ACTN1: variants seen among roughly 807,000 people sequenced by gnomAD.
ACTN1 encodes the protein actinin alpha 1.
A neutral mutation model predicts 119.6 loss-of-function variants in ACTN1; 30 were observed. That is an observed-to-expected ratio of 0.25 (90% CI 0.19 to 0.34). The LOEUF (loss-of-function observed/expected upper bound fraction) is 0.34. Ranked by LOEUF, ACTN1 falls within the 10% of genes least tolerant of loss-of-function variation. ACTN1 has a pLI of 1.00. For synonymous variants in ACTN1, 429 were observed against 472.6 expected, an observed-to-expected ratio of 0.91 and a Z score of 1.20; for missense variants, 764 against 1,223.4, an observed-to-expected ratio of 0.62 and a Z score of 5.60.
chr14:68,971,039 C>T (rs2036868266), intron 1 of ACTN1, among the ~76,000 whole-genome samples: 1 of 152,250 alleles, frequency 6.6e-6, no homozygotes, highest in African/African-American at 2.4e-5. Context: ...GAGTTGTTCT[C>T]TTATTTCAAT....
chr14:68,890,353 T>C lies in ACTN1; in HGVS notation c.1087-67A>G, dbSNP rs2032383188. ...CTAGGCTTCAGGTCCCCTAGCCCCC[T>C]AGACCCCTGAAGGTGCCCCATGCCT... On this transcript the variant is annotated intron_variant, in intron 10 of 21. Transcript: ENST00000394419. 5.7e-6 allele frequency: 9 copies of C among 1,575,842 alleles called. No homozygotes were observed. In the Admixed American group the frequency reaches 7.2e-5, roughly 13 times the overall value.
At chr14:68,913,153 C>T (rs2034101191) in intron 3 of ACTN1, among the ~76,000 whole-genome samples, 1 of 152,200 alleles carries the variant, frequency 6.6e-6, no homozygotes, top group Non-Finnish European at 1.5e-5. Flanking sequence ...GTTTTAGAAT[C>T]TACAAGTTCT....
At chr14:68,916,339 G>A (rs772449228) in intron 3 of ACTN1, among the ~76,000 whole-genome samples, 8 of 152,282 alleles carry the variant, frequency 5.3e-5, no homozygotes, top group African/African-American at 1.2e-4. Context: ...GAGTCCTCCC[G>A]GAGGGACTGG....
At chr14:68,916,864 C>T (rs1458556599) in intron 3 of ACTN1, among the ~76,000 whole-genome samples, 3 of 152,148 alleles carry the variant, frequency 2.0e-5, no homozygotes, top group Admixed American at 6.5e-5. Context: ...CCAGGGACAC[C>T]GTCATCTGTT....
At chr14:68,942,927 T>C (rs547719996) in intron 1 of ACTN1, among the ~76,000 whole-genome samples, 1 of 152,240 alleles carries the variant, frequency 6.6e-6, no homozygotes, top group African/African-American at 2.4e-5. Context: ...AGGCCTTGCA[T>C]GGCCCCGAGA....
chr14:68,878,527 T>C lies in ACTN1; in HGVS notation c.2362-4A>G, dbSNP rs1488141097. The C allele has an allele frequency of 1.9e-6, 3 of 1,607,900 alleles. No individual in the cohort carries two copies. Among genetic ancestry groups the C allele is most frequent in the East Asian group, 2.2e-5 (1 of 44,774 alleles). ...TGTCCATCATGCCTGTCTTCTTCTGTGGGGGGCAGTGGTACCAAGACACAA... is the reference window on the plus strand; with the variant it reads ...TGTCCATCATGCCTGTCTTCTTCTGCGGGGGGCAGTGGTACCAAGACACAA... On this transcript the variant is annotated splice_polypyrimidine_tract_variant and splice_region_variant and intron_variant, in intron 19 of 21. Coordinates refer to ENST00000394419, the MANE Select transcript of ACTN1 (RefSeq NM_001130004.2). This position sits in a 1 kb window ranked among gnomAD's most constrained non-coding sequence, Gnocchi z 4.4.
At chr14:68,891,943 G>T in intron 10 of ACTN1, 110 bp downstream of exon 10, 1 of 1,345,406 alleles carries the variant, frequency 7.4e-7, no homozygotes, top group Non-Finnish European at 1.0e-6. Context: ...GTAGGTAGAA[G>T]CAAACACGCC....
In ACTN1 at chr14:68,935,388, T is replaced by A. The variant is rs970400328; in HGVS notation, c.106-9716A>T. ...CTCCTGTCAGAGAGCTCTCTGTTCATTTTTTTTTTTTTTTTTTTTTTTTTT... is the reference window on the plus strand; with the variant it reads ...CTCCTGTCAGAGAGCTCTCTGTTCAATTTTTTTTTTTTTTTTTTTTTTTTT... On this transcript the variant is annotated intron_variant, in intron 1 of 21. Coordinates refer to ENST00000394419, the MANE Select transcript of ACTN1 (RefSeq NM_001130004.2). 1.9e-3 allele frequency among the ~76,000 whole-genome samples: 33 copies of A among 17,506 alleles called. No homozygotes were observed. In the African/African-American group the frequency reaches 0.024, roughly 13 times the overall value. 11.5% of individuals were successfully genotyped at this position (17,506 alleles called of 152,430 possible). A position where few individuals can be genotyped will look rare whatever the true frequency, so the allele number is the denominator to read the frequency against.
chr14:68,883,937 T>C (rs969763324), intron 14 of ACTN1, among the ~76,000 whole-genome samples: 1 of 152,206 alleles, frequency 6.6e-6, no homozygotes. Context: ...AACTAGGGGC[T>C]GGAGGATAAG....
At chr14:68,904,241 G>T (rs1306183926) in intron 7 of ACTN1, among the ~76,000 whole-genome samples, 1 of 152,128 alleles carries the variant, frequency 6.6e-6, no homozygotes, top group Non-Finnish European at 1.5e-5. Flanking sequence ...GGGCATAGAG[G>T]AGATGCTAAG....
chr14:68,890,791 G>A (rs770202929), intron 10 of ACTN1, among the ~76,000 whole-genome samples: 37 of 152,184 alleles, frequency 2.4e-4, no homozygotes, highest in Admixed American at 4.6e-4. Flanking sequence ...CGGCCTGGGT[G>A]AGCCGGCCAG....
At chr14:68,952,239 G>T (rs1351421908) in intron 1 of ACTN1, among the ~76,000 whole-genome samples, 1 of 152,240 alleles carries the variant, frequency 6.6e-6, no homozygotes, top group Non-Finnish European at 1.5e-5. Context: ...GGGATCGCCA[G>T]AGGGAGGCCT....
chr14:68,921,791 T>A (rs78736789), intron 2 of ACTN1, among the ~76,000 whole-genome samples: 3,217 of 152,220 alleles, frequency 0.021, 121 homozygotes, highest in African/African-American at 0.072. Context: ...CCCATCCCCA[T>A]CTGAGAACCA....
At chr14:68,926,822 A>T (rs2034949642) in intron 1 of ACTN1, among the ~76,000 whole-genome samples, 1 of 152,106 alleles carries the variant, frequency 6.6e-6, no homozygotes, top group South Asian at 2.1e-4. Flanking sequence ...GGGTAGGAAG[A>T]GGGAAGAACA....
At chr14:68,921,303 A>G in intron 2 of ACTN1, 178 bp from the exon 3 acceptor site, 1 of 674,356 alleles carries the variant, frequency 1.5e-6, no homozygotes, top group South Asian at 2.6e-5. Flanking sequence ...CCTGGCAGGG[A>G]ATGAGAGGGA....
At chr14:68,969,562 C>A (rs2036813502) in intron 1 of ACTN1, among the ~76,000 whole-genome samples, 1 of 152,150 alleles carries the variant, frequency 6.6e-6, no homozygotes. Flanking sequence ...AGGAGGTGGC[C>A]AAAAACAACA....
chr14:68,897,467 C>G (rs1390720397), intron 8 of ACTN1, among the ~76,000 whole-genome samples: 1 of 151,686 alleles, frequency 6.6e-6, no homozygotes, highest in East Asian at 1.9e-4. Context: ...CCAAGCCAAA[C>G]TGCTACCCTA....
chr14:68,953,661 G>A (rs2036245242), intron 1 of ACTN1, among the ~76,000 whole-genome samples: 1 of 151,636 alleles, frequency 6.6e-6, no homozygotes, highest in Non-Finnish European at 1.5e-5. Flanking sequence ...GGCAGATCAT[G>A]AGGTCAGGAG....
rs145479439 is a variant in ACTN1, at chr14:68,965,431, C to G, written c.105+13521G>C. On this transcript the variant is annotated intron_variant, in intron 1 of 21. Transcript: ENST00000394419. ...GGCTCCAGCCAGTGTTTCAGACCCACTGAGCCCACAGGCAAGCAGCCTCCT... is the reference window on the plus strand; with the variant it reads ...GGCTCCAGCCAGTGTTTCAGACCCAGTGAGCCCACAGGCAAGCAGCCTCCT... Among the ~76,000 whole-genome samples, 181 of 152,366 alleles carry G rather than the reference C, an allele frequency of 1.2e-3. 6 individuals carry two copies. Among genetic ancestry groups the G allele is most frequent in the Non-Finnish European group, 9.4e-4 (64 of 68,038 alleles).
Sources: gnomAD v4.1 joint callset for allele counts (sites outside exome capture counted in the v4.1 genomes callset) on GRCh38, gnomAD v4.1.1 for gene constraint, Gnocchi (gnomAD v3.1) non-coding constraint, MANE v1.5 for transcripts, NCBI Gene and HGNC (gene_info 2026-07-23, HGNC 2026-07-21) for gene names.